The following UNC79 variants were observed in gnomAD, a reference collection of about 807,000 sequenced individuals.
The protein encoded by UNC79 is protein unc-79 homolog.
In UNC79, 37 loss-of-function variants were observed where a neutral mutation model predicts 283.1. The observed-to-expected ratio is 0.13, with a 90% CI of 0.10 to 0.17. The LOEUF (loss-of-function observed/expected upper bound fraction) is 0.17. Among genes scored for constraint, UNC79 ranks in the 10% least tolerant of loss-of-function variants. The pLI is 1.00. For missense variants in UNC79, 2,272 were observed against 3,211.1 expected (o/e 0.71, Z 7.07); for synonymous variants, 1,107 against 1,200.2 (o/e 0.92, Z 1.61).
At chr14:93,635,089 C>T (rs2068395145) in intron 31 of UNC79, among the ~76,000 whole-genome samples, 1 of 152,170 alleles carries the variant, frequency 6.6e-6, no homozygotes, top group Non-Finnish European at 1.5e-5. Flanking sequence ...AATATGAGTT[C>T]TGTGTTTTAG....
chr14:93,674,906 G>T (rs1333225278), intron 41 of UNC79, among the ~76,000 whole-genome samples: 4 of 152,264 alleles, frequency 2.6e-5, no homozygotes, highest in East Asian at 1.9e-4. Flanking sequence ...AGCTCCCTTT[G>T]GTATAACACA....
At chr14:93,343,141 A>C (rs1006699340) in intron 1 of UNC79, among the ~76,000 whole-genome samples, 1 of 152,214 alleles carries the variant, frequency 6.6e-6, no homozygotes, top group Non-Finnish European at 1.5e-5. Context: ...AGTTATCTTT[A>C]TAGCAGTACC....
intron 14 of UNC79, among the ~76,000 whole-genome samples, chr14:93,544,106 G>C (rs1390038995): frequency 6.6e-6 from 1 of 152,176 alleles, no homozygotes; most frequent in Non-Finnish European, 1.5e-5. Flanking sequence ...CATGCTTCTG[G>C]AAAATGAGAA....
intron 11 of UNC79, 137 bp from the exon 12 acceptor site, chr14:93,537,852 A>G: frequency 1.3e-6 from 1 of 773,282 alleles, no homozygotes; most frequent in Non-Finnish European, 2.0e-6. Context: ...GTGGGAGAAT[A>G]ACCTGCGCTT....
chr14:93,664,052 C>T (rs2071892365), intron 40 of UNC79, among the ~76,000 whole-genome samples: 1 of 152,126 alleles, frequency 6.6e-6, no homozygotes, highest in Non-Finnish European at 1.5e-5. Context: ...CCTTTTACTT[C>T]CCATTATCAT....
intron 26 of UNC79, among the ~76,000 whole-genome samples, chr14:93,607,518 GGTCTTAGGGTATTTCT>G (rs1307827798): frequency 6.6e-6 from 1 of 152,142 alleles, no homozygotes; most frequent in Non-Finnish European, 1.5e-5. Context: ...TTGATGAACT[GGTCTTAGGGTATTTCT>G]GCCCTGTGGG....
chr14:93,585,358 G>A (rs1202462464), intron 20 of UNC79, among the ~76,000 whole-genome samples: 3 of 152,114 alleles, frequency 2.0e-5, no homozygotes, highest in African/African-American at 4.8e-5. Context: ...GTGCTCTGTC[G>A]ACACGTGTTC....
chr14:93,404,493 A>AAAAAAATATATATATAT lies in UNC79; in HGVS notation c.-350-63177_-350-63176insAAAAATATATATATATA. On this transcript the variant is annotated intron_variant, in intron 1 of 49. Coordinates refer to the UNC79 transcript ENST00000256339. ...TGACAGAGTGAGACCTTCTAAAAAA[A>AAAAAAATATATATATAT]ATATATATATATATATATATAAATA... Among the ~76,000 whole-genome samples, 97 of 61,482 alleles carry AAAAAAATATATATATAT rather than the reference A, an allele frequency of 1.6e-3. 2 individuals carry two copies. Among genetic ancestry groups the AAAAAAATATATATATAT allele is most frequent in the South Asian group, 8.3e-3 (18 of 2,174 alleles). The allele number at this position is 61,482 out of a possible 152,430, so 40.3% of individuals were successfully genotyped here. A position where few individuals can be genotyped will look rare whatever the true frequency, so the allele number is the denominator to read the frequency against.
intron 40 of UNC79, among the ~76,000 whole-genome samples, chr14:93,666,230 A>G (rs1249108685): frequency 6.6e-6 from 1 of 152,152 alleles, no homozygotes; most frequent in East Asian, 1.9e-4. Flanking sequence ...AGTTCCAAAC[A>G]TAGAATAAAA....
chr14:93,434,295 T>G (rs1226201700), intron 1 of UNC79, among the ~76,000 whole-genome samples: 1 of 152,170 alleles, frequency 6.6e-6, no homozygotes, highest in Non-Finnish European at 1.5e-5. Context: ...TCAATCTGTT[T>G]CCTGTGCTAT....
At chr14:93,410,979 A>G (rs944551350) in intron 1 of UNC79, among the ~76,000 whole-genome samples, 1 of 152,112 alleles carries the variant, frequency 6.6e-6, no homozygotes, top group Non-Finnish European at 1.5e-5. Flanking sequence ...GCTCAGCCAC[A>G]GGGGAATAGA....
intron 14 of UNC79, among the ~76,000 whole-genome samples, chr14:93,555,325 T>C (rs2062112151): frequency 6.6e-6 from 1 of 151,968 alleles, no homozygotes; most frequent in African/African-American, 2.4e-5. Flanking sequence ...ACATGACACA[T>C]ATAAATACAC....
chr14:93,646,465 C>G, intron 34 of UNC79, 143 bp from the exon 38 acceptor site: 1 of 724,876 alleles, frequency 1.4e-6, no homozygotes. Context: ...CTGAGTGGGC[C>G]CTCTGTACTG....
chr14:93,347,517 G>C, intron 1 of UNC79: 1 of 1,189,982 alleles, frequency 8.4e-7, no homozygotes, highest in Non-Finnish European at 1.1e-6. Flanking sequence ...TTGTGGCTTG[G>C]TCGCCGTTGG....
chr14:93,394,799 A>T (rs2054960373), intron 1 of UNC79, among the ~76,000 whole-genome samples: 1 of 152,056 alleles, frequency 6.6e-6, no homozygotes, highest in Non-Finnish European at 1.5e-5. Flanking sequence ...GCAGTGTTGA[A>T]CTCTTGAGCT....
intron 39 of UNC79, among the ~76,000 whole-genome samples, chr14:93,660,563 A>ATATATATATATATGTG (rs1203621990): frequency 1.1e-4 from 7 of 64,786 alleles, no homozygotes; most frequent in African/African-American, 3.8e-4. Flanking sequence ...ATATATATAT[A>ATATATATATATATGTG]TGTGTGTGTG....
At chr14:93,600,759 C>G in exon 25 of UNC79, 1 of 1,612,628 alleles carries the variant, frequency 6.2e-7, no homozygotes, top group African/African-American at 1.3e-5. Flanking sequence ...AAGGAATTTC[C>G]TTTTCCTACA....
Position 93,430,800 on chromosome 14 carries a change from A to C in UNC79, c.-230A>C. 1.9e-5 allele frequency: 8 copies of C among 431,392 alleles called. No homozygotes were observed. The highest frequency in any genetic ancestry group is 7.0e-4 in the Middle Eastern group (1 of 1,436). 26.7% of individuals were successfully genotyped at this position (431,392 alleles called of 1,614,324 possible). A position where few individuals can be genotyped will look rare whatever the true frequency, so the allele number is the denominator to read the frequency against. ...ACGGACAGGAAGCCTTTGGCCGCCT[A>C]TTAAATCCCACCCATTTCTCCGGGG... On this transcript the variant is annotated 5_prime_UTR_variant, in exon 1 of 49. Coordinates refer to ENST00000555664, the Ensembl canonical transcript of UNC79. The surrounding 1 kb of genome is among the most constrained non-coding windows in gnomAD (Gnocchi z 4.6).
chr14:93,663,411 T>A (rs1337622813), intron 40 of UNC79, among the ~76,000 whole-genome samples: 1 of 152,220 alleles, frequency 6.6e-6, no homozygotes, highest in Non-Finnish European at 1.5e-5. Flanking sequence ...TGTGCAAATG[T>A]TACCCTTTCA....
Sources: allele counts gnomAD v4.1 joint callset (sites outside exome capture counted in the v4.1 genomes callset), GRCh38; gene constraint gnomAD v4.1.1; non-coding constraint Gnocchi (gnomAD v3.1); transcripts MANE v1.5; gene names NCBI Gene and HGNC (gene_info 2026-07-23, HGNC 2026-07-21).